The following LMBRD1 variants were observed in gnomAD, a reference collection of about 807,000 sequenced individuals.
The protein encoded by LMBRD1 is lysosomal cobalamin transport escort protein LMBD1.
A neutral mutation model predicts 74.8 loss-of-function variants in LMBRD1; 64 were observed. That is an observed-to-expected ratio of 0.86 (90% CI 0.70 to 1.05). The LOEUF is 1.05. Ranked by LOEUF, LMBRD1 falls within the 50% of genes least tolerant of loss-of-function variation. LMBRD1 has a pLI of 0.00. For synonymous variants in LMBRD1, 204 were observed against 216.3 expected (o/e 0.94, Z 0.50); for missense variants, 652 against 645.9 (o/e 1.01, Z -0.10).
chr6:69,774,531 G>GT (rs1765647167), intron 3 of LMBRD1, among the ~76,000 whole-genome samples: 1 of 152,086 alleles, frequency 6.6e-6, no homozygotes. Flanking sequence ...TTTACTTAAT[G>GT]TTTTTTCTCA....
intron 7 of LMBRD1, among the ~76,000 whole-genome samples, chr6:69,731,918 A>G (rs1766867479): frequency 6.6e-6 from 1 of 152,140 alleles, no homozygotes; most frequent in South Asian, 2.1e-4. Context: ...CTTTCATTTC[A>G]TATTTTCCTT....
chr6:69,701,603 T>A, intron 10 of LMBRD1, 58 bp from the exon 11 acceptor site: 1 of 1,055,554 alleles, frequency 9.5e-7, no homozygotes, highest in South Asian at 1.4e-5. Flanking sequence ...TCAGCAAATT[T>A]AGAAAAAATA....
chr6:69,774,509 C>A (rs1765646227), intron 3 of LMBRD1, among the ~76,000 whole-genome samples: 1 of 152,158 alleles, frequency 6.6e-6, no homozygotes, highest in Non-Finnish European at 1.5e-5. Context: ...ATTTCTTTTA[C>A]ATGAATTTCC....
In LMBRD1 at chr6:69,790,292, T is replaced by A; in HGVS notation, c.246+4A>T. 6.3e-7 allele frequency: 1 copy of A among 1,594,594 alleles called. No homozygotes were observed. The highest frequency in any genetic ancestry group is 8.6e-7 in the Non-Finnish European group (1 of 1,162,760). ...AAAAATCTGCAAAGTAAGATTATAT[T>A]TACCTTAAATGTACCATTTTGATTT... On this transcript the variant is annotated splice_donor_region_variant and intron_variant, in intron 2 of 15. Transcript: ENST00000649934.
intron 3 of LMBRD1, among the ~76,000 whole-genome samples, chr6:69,779,185 C>CAAAA (rs11397050): frequency 1.0e-5 from 1 of 100,156 alleles, no homozygotes; most frequent in African/African-American, 4.5e-5. Flanking sequence ...GACTCAGTCT[C>CAAAA]AAAAAAAAAA....
chr6:69,741,671 G>T (rs1339679844), intron 6 of LMBRD1, 118 bp downstream of exon 6: 3 of 640,672 alleles, frequency 4.7e-6, no homozygotes, highest in Non-Finnish European at 5.6e-6. Context: ...TTACAGGCAT[G>T]AGCCACCACG....
intron 3 of LMBRD1, among the ~76,000 whole-genome samples, chr6:69,769,768 G>T (rs1765542069): frequency 6.7e-6 from 1 of 148,794 alleles, no homozygotes. Flanking sequence ...TTTTATCCCA[G>T]CTCAAAAAAA....
chr6:69,729,934 TGAACTTCAC>T (rs139908427), intron 7 of LMBRD1, among the ~76,000 whole-genome samples: 6,091 of 152,046 alleles, frequency 0.04, 190 homozygotes, highest in Non-Finnish European at 0.065. Flanking sequence ...AACAATCTTT[TGAACTTCAC>T]GAACTTCACT....
chr6:69,723,103 A>T (rs1766652524), intron 7 of LMBRD1, among the ~76,000 whole-genome samples: 1 of 152,198 alleles, frequency 6.6e-6, no homozygotes, highest in African/African-American at 2.4e-5. Flanking sequence ...ATATAGTGAT[A>T]AGGGGGTCAA....
chr6:69,783,428 A>G (rs1356697576), intron 2 of LMBRD1, among the ~76,000 whole-genome samples: 2 of 152,208 alleles, frequency 1.3e-5, no homozygotes, highest in African/African-American at 2.4e-5. Flanking sequence ...GCTGCAGTGC[A>G]GTGGCATGAT....
chr6:69,737,956 C>A lies in LMBRD1; in HGVS notation c.622G>T (p.Ala208Ser). The A allele has an allele frequency of 6.2e-7, 1 of 1,610,194 alleles. No homozygotes were observed. The highest frequency in any genetic ancestry group is 8.5e-7 in the Non-Finnish European group (1 of 1,177,432). The change falls in exon 7 of 16, where the codon GCT becomes TCT. Residue 208 changes from alanine to serine, a missense_variant. Coordinates refer to ENST00000649934, the MANE Select transcript of LMBRD1 (RefSeq NM_018368.4). ...ATTTCACTTACTGTGTAAGTTATAG[C>A]TGCCAACATTCCAATCAAGGTCAGA... ...SSLTLIGMLA[A>S]ITYTAYGMSA...
intron 7 of LMBRD1, among the ~76,000 whole-genome samples, chr6:69,727,327 T>C (rs917400421): frequency 2.0e-5 from 3 of 152,176 alleles, no homozygotes; most frequent in African/African-American, 7.2e-5. Flanking sequence ...AGCTACTACG[T>C]ACCCACGAAA....
chr6:69,755,544 C>T (rs1765249935), intron 3 of LMBRD1, among the ~76,000 whole-genome samples: 1 of 147,308 alleles, frequency 6.8e-6, no homozygotes. Flanking sequence ...CACACGTATA[C>T]CTATGTAACA....
intron 3 of LMBRD1, among the ~76,000 whole-genome samples, chr6:69,772,804 T>C (rs367886063): frequency 2.6e-4 from 40 of 152,324 alleles, no homozygotes; most frequent in South Asian, 1.0e-3. Flanking sequence ...TTCAAAACAA[T>C]AGTGTCAAGA....
Position 69,780,547 on chromosome 6 carries a change from G to T in LMBRD1, c.254C>A (p.Ala85Asp). The T allele has an allele frequency of 6.2e-7, 1 of 1,604,802 alleles. No individual in the cohort carries two copies. The change falls in exon 3 of 16, where the codon GCT (alanine) becomes GAT (aspartate). Residue 85 changes from alanine (A) to aspartate (D), a missense_variant. By Grantham distance (126) the Ala-to-Asp change is moderately radical. This residue lies in a region of LMBRD1 where 598 missense variants were observed against 581.8 expected (regional missense o/e 1.03). Transcript: ENST00000649934. The part of the protein sequence containing the change: ...KNQNGTFKDW[A>D]NANVSRQIED... ...AATCTGTCTGCTGACATTAGCATTA[G>T]CCCAGTCCTAGGATAAAAGGAAACA...
chr6:69,676,177 G>A lies in LMBRD1; in HGVS notation c.1604C>T (p.Pro535Leu), dbSNP rs774967890. ...DEDSDISDDE[P>L]SVYSA ...AGGCTGTCAAGCAGAATAGACAGAG[G>A]GCTCATCATCACTTATGTCTGAATC... Residue 535 changes from proline (P) to leucine (L), a missense_variant, in exon 16 of 16, where the codon CCC becomes CTC. Coordinates refer to ENST00000649934, the MANE Select transcript of LMBRD1 (RefSeq NM_018368.4). 1.9e-6 allele frequency: 3 copies of A among 1,612,742 alleles called. No homozygotes were observed. The highest frequency in any genetic ancestry group is 2.5e-6 in the Non-Finnish European group (3 of 1,179,130).
rs974133931 is a variant in LMBRD1, at chr6:69,771,684, T to A, written c.307+8810A>T. ...TCACATAAGGCCCTGCAGGCTTCAG[T>A]AATGACTTCGTCATTTCCTCTGAAT... On this transcript the variant is annotated intron_variant, in intron 3 of 15. Transcript: ENST00000649934. 4.1e-5 allele frequency among the ~76,000 whole-genome samples: 6 copies of A among 146,154 alleles called. No individual in the cohort carries two copies. In the South Asian group the frequency reaches 1.3e-3, roughly 31 times the overall value.
Position 69,749,794 on chromosome 6 carries a change from TAC to T in LMBRD1, c.406-388_406-387del, listed in dbSNP as rs1389851412. On this transcript the variant is annotated intron_variant, in intron 4 of 15. Coordinates refer to ENST00000649934, the MANE Select transcript of LMBRD1 (RefSeq NM_018368.4). ...TTATAACAATAATAAACACAATATATACGTTTGTGTTTGAGTATATACATGAG... is the reference window on the plus strand; with the variant it reads ...TTATAACAATAATAAACACAATATATGTTTGTGTTTGAGTATATACATGAG... Among the ~76,000 whole-genome samples the T allele has an allele frequency of 1.1e-4, 16 of 150,442 alleles. No homozygotes were observed. In the South Asian group the frequency reaches 2.9e-3, roughly 27 times the overall value.
intron 1 of LMBRD1, among the ~76,000 whole-genome samples, chr6:69,794,763 T>C (rs1766173506): frequency 1.3e-5 from 2 of 152,220 alleles, no homozygotes; most frequent in South Asian, 2.1e-4. Context: ...ATGTGATATT[T>C]TGATATTGTG....
Sources: gnomAD v4.1 joint callset for allele counts (sites outside exome capture counted in the v4.1 genomes callset) on GRCh38, gnomAD v4.1.1 for gene constraint, gnomAD v4.1.1 regional missense constraint, MANE v1.5 for transcripts, NCBI Gene and HGNC (gene_info 2026-07-23, HGNC 2026-07-21) for gene names.